Variants in IQGAP2 observed in about 807,000 individuals in gnomAD.
The protein encoded by IQGAP2 is ras GTPase-activating-like protein IQGAP2.
IQGAP2 carries 173 observed loss-of-function variants against 201.3 expected under a neutral mutation model. That is an observed-to-expected ratio of 0.86 (90% CI 0.76 to 0.98). IQGAP2 has a LOEUF of 0.98. Among genes scored for constraint, IQGAP2 ranks in the 50% least tolerant of loss-of-function variants. The pLI is 0.00. For missense variants in IQGAP2, 1,687 were observed against 1,864.8 expected (o/e 0.90, Z 1.76); for synonymous variants, 675 against 673.9 (o/e 1.00, Z -0.03).
At chr5:76,456,527 C>T (rs1754095200) in intron 1 of IQGAP2, among the ~76,000 whole-genome samples, 1 of 152,140 alleles carries the variant, frequency 6.6e-6, no homozygotes, top group Non-Finnish European at 1.5e-5. Context: ...ATTCCATTCT[C>T]CCATTCCCAC....
intron 32 of IQGAP2, among the ~76,000 whole-genome samples, chr5:76,697,306 A>G (rs544191785): frequency 1.2e-4 from 18 of 152,374 alleles, no homozygotes; most frequent in African/African-American, 3.6e-4. Context: ...AATTAAATGT[A>G]AACTTTTTTA....
At chr5:76,507,959 C>T (rs907750543) in intron 2 of IQGAP2, among the ~76,000 whole-genome samples, 6 of 145,006 alleles carry the variant, frequency 4.1e-5, no homozygotes, top group Non-Finnish European at 4.5e-5. Context: ...GCCAAGATCG[C>T]GCCACTGCAC....
chr5:76,492,791 A>G (rs1203854169), intron 2 of IQGAP2, among the ~76,000 whole-genome samples: 1 of 152,180 alleles, frequency 6.6e-6, no homozygotes, highest in African/African-American at 2.4e-5. Context: ...CTCATCCTAC[A>G]AAGTGAGTCC....
intron 28 of IQGAP2, among the ~76,000 whole-genome samples, chr5:76,681,516 GATTA>G (rs903285657): frequency 1.0e-4 from 15 of 149,312 alleles, no homozygotes; most frequent in Non-Finnish European, 1.6e-4. Context: ...CCAGTAGGAT[GATTA>G]ATATCAAAAT....
chr5:76,604,374 T>A (rs1350153785), intron 11 of IQGAP2, among the ~76,000 whole-genome samples: 2 of 152,096 alleles, frequency 1.3e-5, no homozygotes, highest in Admixed American at 1.3e-4. Flanking sequence ...CTTTATCCAG[T>A]CTATCATTGA....
intron 2 of IQGAP2, among the ~76,000 whole-genome samples, chr5:76,540,658 G>A (rs372640249): frequency 4.1e-4 from 62 of 152,294 alleles, no homozygotes; most frequent in African/African-American, 1.3e-3. Flanking sequence ...TTGAGGGTGC[G>A]GAACATCAGG....
rs773386579 is a variant in IQGAP2 at position 76,618,528 on chromosome 5, G to A, written c.1521+7345G>A. The A allele has an allele frequency of 1.2e-6, 2 of 1,614,008 alleles. No individual in the cohort carries two copies. Among genetic ancestry groups the A allele is most frequent in the Non-Finnish European group, 1.7e-6 (2 of 1,180,020 alleles). On this transcript the variant is annotated intron_variant, in intron 13 of 35. Coordinates refer to ENST00000274364, the MANE Select transcript of IQGAP2 (RefSeq NM_006633.5). ...AATTTTTACAGTAATCGTGGCTCCTGTCCAGCCTTCCAAGGCAGAAAAGGG... is the reference window on the plus strand; with the variant it reads ...AATTTTTACAGTAATCGTGGCTCCTATCCAGCCTTCCAAGGCAGAAAAGGG...
chr5:76,541,657 G>A (rs762147490), intron 2 of IQGAP2, among the ~76,000 whole-genome samples: 29 of 152,168 alleles, frequency 1.9e-4, no homozygotes, highest in Non-Finnish European at 3.4e-4. Flanking sequence ...GTTCATAAGT[G>A]TTTCAACTTC....
At chr5:76,474,712 G>C (rs1755307482) in intron 2 of IQGAP2, among the ~76,000 whole-genome samples, 1 of 152,150 alleles carries the variant, frequency 6.6e-6, no homozygotes. Context: ...ATTTACACCT[G>C]CATCAAGGTC....
At chr5:76,510,826 C>T in intron 2 of IQGAP2, 1 of 430,794 alleles carries the variant, frequency 2.3e-6, no homozygotes, top group Non-Finnish European at 4.6e-6. Flanking sequence ...ACCTGGCCTC[C>T]AGCAGGCTGG....
At chr5:76,550,436 G>C (rs1743376701) in intron 2 of IQGAP2, among the ~76,000 whole-genome samples, 1 of 151,250 alleles carries the variant, frequency 6.6e-6, no homozygotes, top group Non-Finnish European at 1.5e-5. Flanking sequence ...CAATAGTGGA[G>C]GGAAGGTCAG....
intron 17 of IQGAP2, among the ~76,000 whole-genome samples, chr5:76,643,283 A>T (rs896704958): frequency 7.2e-5 from 11 of 152,258 alleles, no homozygotes; most frequent in Admixed American, 1.3e-4. Context: ...TAGAATGTAA[A>T]TGAATTTATA....
intron 19 of IQGAP2, 85 bp from the exon 20 acceptor site, chr5:76,654,849 C>T: frequency 1.2e-6 from 1 of 815,822 alleles, no homozygotes; most frequent in Non-Finnish European, 2.1e-6. Flanking sequence ...TTCTTAAATA[C>T]TGACAGTTCT....
At chr5:76,634,201 A>G (rs577578792) in intron 15 of IQGAP2, among the ~76,000 whole-genome samples, 2 of 152,150 alleles carry the variant, frequency 1.3e-5, no homozygotes, top group Admixed American at 6.5e-5. Flanking sequence ...TTCCTGCTGC[A>G]GTGGTAGTGC....
intron 21 of IQGAP2, among the ~76,000 whole-genome samples, chr5:76,662,909 G>GGT (rs1743391839): frequency 6.6e-6 from 1 of 152,178 alleles, no homozygotes; most frequent in Admixed American, 6.5e-5. Context: ...AGAAGTAAGT[G>GGT]GGTAAGTCAA....
chr5:76,504,118 C>A (rs1446164814), intron 2 of IQGAP2, among the ~76,000 whole-genome samples: 1 of 152,210 alleles, frequency 6.6e-6, no homozygotes, highest in Non-Finnish European at 1.5e-5. Flanking sequence ...GCATAGCGTG[C>A]TAACAAAGAG....
At chr5:76,623,561 A>G (rs951214042) in intron 13 of IQGAP2, 4 of 246,714 alleles carry the variant, frequency 1.6e-5, no homozygotes, top group Non-Finnish European at 3.1e-5. Flanking sequence ...CTTTTAAAGA[A>G]TGGCAGAAAT....
intron 2 of IQGAP2, among the ~76,000 whole-genome samples, chr5:76,499,827 G>T (rs1215897048): frequency 6.6e-6 from 1 of 152,074 alleles, no homozygotes; most frequent in Non-Finnish European, 1.5e-5. Context: ...AAATCCTGCT[G>T]GGGCCTGGTG....
At chr5:76,523,616 C>T (rs2150197934) in intron 2 of IQGAP2, among the ~76,000 whole-genome samples, 1 of 152,220 alleles carries the variant, frequency 6.6e-6, no homozygotes, top group East Asian at 1.9e-4. Flanking sequence ...CTCTTTCTGT[C>T]CAATCAGCTA....
Sources: allele counts gnomAD v4.1 joint callset (sites outside exome capture counted in the v4.1 genomes callset), GRCh38; gene constraint gnomAD v4.1.1; transcripts MANE v1.5; gene names NCBI Gene and HGNC (gene_info 2026-07-23, HGNC 2026-07-21).